Variants in RGS3 observed in about 807,000 individuals in gnomAD.
RGS3 encodes the protein regulator of G-protein signalling 3.
A neutral mutation model predicts 132.6 loss-of-function variants in RGS3; 80 were observed. The ratio of observed to expected loss-of-function variants is 0.60; its 90% CI spans 0.50 to 0.73. The LOEUF is 0.73. Ranked by LOEUF, RGS3 falls within the 30% of genes least tolerant of loss-of-function variation. RGS3 has a pLI of 0.00. For missense variants in RGS3, 1,382 were observed against 1,530.8 expected (o/e 0.90, Z 1.62); for synonymous variants, 598 against 620.6 (o/e 0.96, Z 0.54).
intron 15 of RGS3, among the ~76,000 whole-genome samples, chr9:113,515,078 C>T (rs1254837163): frequency 6.6e-6 from 1 of 152,176 alleles, no homozygotes; most frequent in Non-Finnish European, 1.5e-5. Context: ...TCTCTGCAAA[C>T]AAGTTTGGCC....
At chr9:113,576,642 T>C (rs1834539255) in intron 19 of RGS3, among the ~76,000 whole-genome samples, 1 of 152,190 alleles carries the variant, frequency 6.6e-6, no homozygotes, top group African/African-American at 2.4e-5. Context: ...TGTTCTTTCA[T>C]TCATTTATTC....
At chr9:113,567,605 G>A (rs921023052) in intron 19 of RGS3, among the ~76,000 whole-genome samples, 1 of 152,230 alleles carries the variant, frequency 6.6e-6, no homozygotes, top group Non-Finnish European at 1.5e-5. Context: ...CAAGGGATGG[G>A]GCTGGGTTTG....
In RGS3 at chr9:113,491,540, C is replaced by T. The variant is rs186946816; in HGVS notation, c.690-4246C>T. On this transcript the variant is annotated intron_variant, in intron 7 of 24. Coordinates refer to ENST00000350696, the Ensembl canonical transcript of RGS3. ...TGCTGACATTACAGCCATGAGCCAC[C>T]GTGCCCAGGCAAGGACATAATCTTT... 3.7e-3 allele frequency among the ~76,000 whole-genome samples: 551 copies of T among 150,328 alleles called. 3 individuals carry two copies. Among genetic ancestry groups the T allele is most frequent in the Non-Finnish European group, 3.9e-3 (262 of 67,618 alleles).
chr9:113,560,037 TGAGACTCAGA>T (rs1359678939), intron 19 of RGS3, among the ~76,000 whole-genome samples: 2 of 152,184 alleles, frequency 1.3e-5, no homozygotes, highest in Non-Finnish European at 2.9e-5. Flanking sequence ...ATGAGGAAAC[TGAGACTCAGA>T]GATAGTAAAG....
chr9:113,514,670 G>A lies in RGS3; in HGVS notation c.1674+16G>A. On this transcript the variant is annotated intron_variant, in intron 15 of 24. Transcript: ENST00000350696. ...CTTTGTTCAGGTGAGCCCGTGGCTG[G>A]TCTTAAAGGTTCCCTCAGGAGGAAC... 2 of 1,611,478 alleles carry A rather than the reference G, an allele frequency of 1.2e-6. No homozygotes were observed. The highest frequency in any genetic ancestry group is 8.5e-7 in the Non-Finnish European group (1 of 1,179,038).
chr9:113,546,353 C>G (rs1833115087), intron 19 of RGS3, among the ~76,000 whole-genome samples: 1 of 152,138 alleles, frequency 6.6e-6, no homozygotes, highest in Non-Finnish European at 1.5e-5. Flanking sequence ...GTACTTTTTC[C>G]CCCTTAGCAC....
In RGS3 at chr9:113,579,077, A is replaced by ACC. The variant is rs58700904; in HGVS notation, c.2038-4367_2038-4366dup. ...GAGACAGAGGCAAACCCCAGTTTAC[A>ACC]CCCCCCCAGTGCAGGAAGTGGTTTT... On this transcript the variant is annotated intron_variant, in intron 19 of 24. Coordinates refer to ENST00000350696, the Ensembl canonical transcript of RGS3. The surrounding 1 kb of genome is among the most constrained non-coding windows in gnomAD (Gnocchi z 4.3). 6.6e-6 allele frequency among the ~76,000 whole-genome samples: 1 copy of ACC among 151,816 alleles called. No homozygotes were observed. Among genetic ancestry groups the ACC allele is most frequent in the Admixed American group, 6.6e-5 (1 of 15,248 alleles).
At chr9:113,595,240 A>G (rs905207289) in intron 23 of RGS3, 6 of 579,842 alleles carry the variant, frequency 1.0e-5, no homozygotes, top group Non-Finnish European at 1.8e-5. Context: ...TCAGATCCAT[A>G]TTCCCAGAAT....
intron 19 of RGS3, among the ~76,000 whole-genome samples, chr9:113,548,952 C>T (rs566811241): frequency 1.3e-5 from 2 of 152,322 alleles, no homozygotes; most frequent in African/African-American, 2.4e-5. Context: ...CTGACCTCAG[C>T]CAGCCGGCTG....
intron 14 of RGS3, among the ~76,000 whole-genome samples, chr9:113,508,821 G>A (rs569059796): frequency 6.6e-6 from 1 of 152,332 alleles, no homozygotes; most frequent in South Asian, 2.1e-4. Context: ...CATTTTGAGA[G>A]ACCGTGTGTC....
chr9:113,589,364 C>A (rs1311051479), intron 20 of RGS3: 1 of 152,264 alleles, frequency 6.6e-6, no homozygotes, highest in Non-Finnish European at 1.5e-5. Context: ...CTCACAGGCT[C>A]TTTTTGGTGC....
intron 19 of RGS3, among the ~76,000 whole-genome samples, chr9:113,561,817 GTC>G (rs1436591280): frequency 2.0e-5 from 3 of 152,222 alleles, no homozygotes; most frequent in African/African-American, 7.2e-5. Context: ...GGAGCAGCCT[GTC>G]TCTGGCACCT....
chr9:113,540,313 G>GATT (rs1832851009), intron 19 of RGS3, among the ~76,000 whole-genome samples: 1 of 152,042 alleles, frequency 6.6e-6, no homozygotes. Context: ...ATATTCTTTT[G>GATT]ATTATTCAAG....
chr9:113,483,148 G>A (rs1473282811), intron 5 of RGS3, 31 bp downstream of exon 3: 2 of 1,491,618 alleles, frequency 1.3e-6, no homozygotes, highest in South Asian at 2.3e-5. Flanking sequence ...TGGAGAGTGG[G>A]ATATTGAGGG....
chr9:113,558,311 G>C (rs981458425), intron 19 of RGS3, among the ~76,000 whole-genome samples: 7 of 152,280 alleles, frequency 4.6e-5, no homozygotes, highest in African/African-American at 1.7e-4. Flanking sequence ...AGACCAGCCT[G>C]GCCAACATGG....
chr9:113,499,656 G>C (rs559288620), intron 10 of RGS3, among the ~76,000 whole-genome samples: 15 of 152,348 alleles, frequency 9.8e-5, no homozygotes, highest in Non-Finnish European at 1.6e-4. Context: ...TGTGCTGGGT[G>C]CTGGGATGCA....
intron 18 of RGS3, among the ~76,000 whole-genome samples, chr9:113,532,770 A>G (rs1256776202): frequency 1.3e-5 from 2 of 152,174 alleles, no homozygotes; most frequent in Non-Finnish European, 2.9e-5. Context: ...TGGCTCTCTC[A>G]CTGTGAGAGG....
chr9:113,550,828 TTTAA>T (rs1833312033), intron 19 of RGS3, among the ~76,000 whole-genome samples: 1 of 152,194 alleles, frequency 6.6e-6, no homozygotes. Flanking sequence ...ATTTTTATAG[TTTAA>T]TTATTAATTC....
intron 3 of RGS3, among the ~76,000 whole-genome samples, chr9:113,464,610 C>G (rs1351158813): frequency 6.6e-6 from 1 of 152,180 alleles, no homozygotes; most frequent in Non-Finnish European, 1.5e-5. Context: ...ACTGGTCCTG[C>G]AACTCTCTGT....
Sources: allele counts gnomAD v4.1 joint callset (sites outside exome capture counted in the v4.1 genomes callset), GRCh38; gene constraint gnomAD v4.1.1; non-coding constraint Gnocchi (gnomAD v3.1); transcripts MANE v1.5; gene names NCBI Gene and HGNC (gene_info 2026-07-23, HGNC 2026-07-21).